The following SGCZ variants were observed in gnomAD, a reference collection of about 807,000 sequenced individuals.
The protein encoded by SGCZ is sarcoglycan zeta.
In SGCZ, 40 loss-of-function variants were observed where a neutral mutation model predicts 41.3. The ratio of observed to expected loss-of-function variants is 0.97; its 90% confidence interval spans 0.75 to 1.26. SGCZ has a LOEUF of 1.26. SGCZ is among the 50% of genes most tolerant of loss of function. SGCZ has a pLI of 0.00. For missense variants in SGCZ, 552 were observed against 369.8 expected (o/e 1.49, Z -4.04); for synonymous variants, 206 against 137.5 (o/e 1.50, Z -3.49).
chr8:14,768,023 CTTG>C (rs1341313140), intron 1 of SGCZ, among the ~76,000 whole-genome samples: 11 of 152,298 alleles, frequency 7.2e-5, no homozygotes, highest in Admixed American at 6.5e-4. Context: ...TCTCACACAT[CTTG>C]TTGTTTTTAA....
intron 3 of SGCZ, among the ~76,000 whole-genome samples, chr8:14,262,719 C>A (rs372498654): frequency 1.3e-5 from 2 of 151,416 alleles, no homozygotes; most frequent in South Asian, 2.1e-4. Context: ...AAATCATCTA[C>A]CATCATCAAA....
rs569706935 is a variant in SGCZ at position 15,025,182 on chromosome 8, G to T, written c.39+212403C>A. On this transcript the variant is annotated intron_variant, in intron 1 of 7. Coordinates refer to ENST00000382080, the MANE Select transcript of SGCZ (RefSeq NM_139167.4). ...AGTCTATTCTAAGTTTAGAAACCAA[G>T]AACAGTATAAGCATTTGAACAAATG... is the stretch of plus-strand genomic sequence containing the variant. 1.4e-4 allele frequency among the ~76,000 whole-genome samples: 21 copies of T among 152,132 alleles called. 1 individual carries two copies. The East Asian group carries it at 3.3e-3, about 24-fold the overall frequency.
chr8:14,562,563 C>A (rs1804238682), intron 1 of SGCZ, among the ~76,000 whole-genome samples: 1 of 151,954 alleles, frequency 6.6e-6, no homozygotes, highest in Admixed American at 6.6e-5. Flanking sequence ...GAATATCTTT[C>A]AGAGCAAGTG....
intron 3 of SGCZ, among the ~76,000 whole-genome samples, chr8:14,261,581 T>TAA (rs1799669115): frequency 2.0e-5 from 3 of 152,308 alleles, no homozygotes; most frequent in South Asian, 2.1e-4. Flanking sequence ...TCTGGACCAA[T>TAA]GCCAAGTATA....
intron 1 of SGCZ, among the ~76,000 whole-genome samples, chr8:15,209,976 C>T: frequency 6.6e-6 from 1 of 152,080 alleles, no homozygotes. Flanking sequence ...GAGGGATTTA[C>T]TCACACTATT....
intron 1 of SGCZ, among the ~76,000 whole-genome samples, chr8:15,057,963 T>C (rs896610765): frequency 6.6e-6 from 1 of 152,204 alleles, no homozygotes; most frequent in African/African-American, 2.4e-5. Context: ...CACCTGAGCT[T>C]ACATTCCGGT....
intron 1 of SGCZ, among the ~76,000 whole-genome samples, chr8:15,091,088 C>A (rs1806140282): frequency 6.6e-6 from 1 of 152,202 alleles, no homozygotes; most frequent in Non-Finnish European, 1.5e-5. Context: ...TTTATTACCA[C>A]AGACATACTT....
chr8:15,198,177 G>T (rs1214933402), intron 1 of SGCZ, among the ~76,000 whole-genome samples: 1 of 151,502 alleles, frequency 6.6e-6, no homozygotes, highest in Non-Finnish European at 1.5e-5. Flanking sequence ...TAACATTGTT[G>T]AGTAGGCTGA....
chr8:14,606,898 G>T (rs1805768590), intron 1 of SGCZ, among the ~76,000 whole-genome samples: 1 of 152,078 alleles, frequency 6.6e-6, no homozygotes, highest in Non-Finnish European at 1.5e-5. Context: ...AAGTATTAGA[G>T]ATATGAGGTA....
At chr8:14,187,508 T>G (rs1376847714) in intron 4 of SGCZ, among the ~76,000 whole-genome samples, 1 of 151,928 alleles carries the variant, frequency 6.6e-6, no homozygotes, top group Non-Finnish European at 1.5e-5. Context: ...ATGGAGAATA[T>G]CAACAAAGAT....
chr8:14,271,616 A>G (rs1383676342), intron 3 of SGCZ, among the ~76,000 whole-genome samples: 1 of 152,188 alleles, frequency 6.6e-6, no homozygotes, highest in African/African-American at 2.4e-5. Flanking sequence ...CTAACTTCCT[A>G]TATGCTTGTC....
At chr8:14,548,572 G>C (rs986799307) in intron 2 of SGCZ, among the ~76,000 whole-genome samples, 38 of 152,150 alleles carry the variant, frequency 2.5e-4, no homozygotes, top group Admixed American at 2.2e-3. Flanking sequence ...CACGAGAAAT[G>C]CACATAACAA....
intron 1 of SGCZ, among the ~76,000 whole-genome samples, chr8:14,927,125 G>A (rs28394437): frequency 7.8e-5 from 3 of 38,524 alleles, no homozygotes; most frequent in African/African-American, 1.4e-4. Context: ...TTTTTTTTTT[G>A]TGAGGCAGAG....
At chr8:14,779,918 A>G (rs2130430117) in intron 1 of SGCZ, among the ~76,000 whole-genome samples, 1 of 152,316 alleles carries the variant, frequency 6.6e-6, no homozygotes, top group Middle Eastern at 3.4e-3. Flanking sequence ...TGATCTAGAG[A>G]TTAGAAATAA....
intron 2 of SGCZ, among the ~76,000 whole-genome samples, chr8:14,458,841 A>G (rs1210796578): frequency 6.6e-6 from 1 of 152,092 alleles, no homozygotes; most frequent in Non-Finnish European, 1.5e-5. Flanking sequence ...CTCCAACTCA[A>G]AACAAACAAA....
At position 14,537,792 on chromosome 8, in the gene SGCZ, G is replaced by A. The variant is rs117251191; in HGVS notation, c.234+16940C>T. On this transcript the variant is annotated intron_variant, in intron 2 of 7. Transcript: ENST00000382080. ...GCCATGATAAAATGTGTTTGTGAAC[G>A]CTAAAGAGCTGTTATACTTTCTATA... 2.5e-3 allele frequency among the ~76,000 whole-genome samples: 381 copies of A among 152,014 alleles called. 3 individuals carry two copies. Among genetic ancestry groups the A allele is most frequent in the East Asian group, 0.022 (112 of 5,138 alleles).
At chr8:14,197,063 A>T (rs916050511) in intron 4 of SGCZ, among the ~76,000 whole-genome samples, 1 of 152,188 alleles carries the variant, frequency 6.6e-6, no homozygotes, top group African/African-American at 2.4e-5. Flanking sequence ...TTTGCTAAAA[A>T]TCATTAAAAT....
intron 3 of SGCZ, among the ~76,000 whole-genome samples, chr8:14,306,393 A>C (rs1177385431): frequency 6.6e-6 from 1 of 152,224 alleles, no homozygotes; most frequent in Non-Finnish European, 1.5e-5. Context: ...CTATTTAGCC[A>C]ATTTCACATT....
chr8:15,154,967 G>A (rs1292596457), intron 1 of SGCZ, among the ~76,000 whole-genome samples: 3 of 152,114 alleles, frequency 2.0e-5, no homozygotes, highest in Non-Finnish European at 4.4e-5. Flanking sequence ...ATAGTGAGAA[G>A]AGCCGATTTT....
Sources: gnomAD v4.1 joint callset for allele counts (sites outside exome capture counted in the v4.1 genomes callset) on GRCh38, gnomAD v4.1.1 for gene constraint, MANE v1.5 for transcripts, NCBI Gene and HGNC (gene_info 2026-07-23, HGNC 2026-07-21) for gene names.